MAST4: variants seen among roughly 807,000 people sequenced by gnomAD.
MAST4 encodes microtubule-associated serine/threonine-protein kinase 4.
Under a neutral mutation model 162.7 loss-of-function variants are expected in MAST4, and 89 were observed. The observed-to-expected ratio is 0.55, with a 90% CI of 0.46 to 0.65. MAST4 has a LOEUF of 0.65. MAST4 is among the 30% of genes least tolerant of loss of function. The probability of loss-of-function intolerance (pLI) is 0.00; values close to 1 mark genes in which losing one functional copy is unlikely to be tolerated. For synonymous variants in MAST4, 1,479 were observed against 1,361.1 expected (o/e 1.09, Z -1.91); for missense variants, 3,153 against 3,374.0 (o/e 0.93, Z 1.62).
chr5:66,722,814 G>A (rs1457162985), intron 1 of MAST4, among the ~76,000 whole-genome samples: 3 of 152,172 alleles, frequency 2.0e-5, no homozygotes, highest in African/African-American at 4.8e-5. Context: ...AATCATAGCT[G>A]CATAGCGAGG....
chr5:67,049,211 C>A (rs967810902), intron 4 of MAST4, among the ~76,000 whole-genome samples: 6 of 151,026 alleles, frequency 4.0e-5, no homozygotes, highest in Non-Finnish European at 8.8e-5. Flanking sequence ...GTTTCTATAT[C>A]TTTTTTAAAG....
At chr5:66,905,351 C>T (rs929983858) in intron 4 of MAST4, among the ~76,000 whole-genome samples, 3 of 150,712 alleles carry the variant, frequency 2.0e-5, no homozygotes, top group Admixed American at 2.0e-4. Context: ...CAGCAGGAAC[C>T]CAAGGCAGAA....
chr5:66,899,935 T>C lies in MAST4; in HGVS notation c.643-16T>C. The C allele has an allele frequency of 1.3e-6, 2 of 1,510,944 alleles. No homozygotes were observed. Among genetic ancestry groups the C allele is most frequent in the Non-Finnish European group, 1.8e-6 (2 of 1,131,902 alleles). The allele number at this position is 1,510,944 out of a possible 1,614,324, so 93.6% of individuals were successfully genotyped here. A position where few individuals can be genotyped will look rare whatever the true frequency, so the allele number is the denominator to read the frequency against. On this transcript the variant is annotated splice_polypyrimidine_tract_variant and intron_variant, in intron 3 of 28. Transcript: ENST00000403625. The stretch of plus-strand genomic sequence containing the variant: ...AATGCAGCATTGCTTATATATGGTT[T>C]TTTTTTCTTTTGCAGAAGGAGCTGA...
At chr5:66,647,843 A>G (rs1745943437) in intron 1 of MAST4, among the ~76,000 whole-genome samples, 1 of 152,164 alleles carries the variant, frequency 6.6e-6, no homozygotes. Flanking sequence ...TGCCTTAAAC[A>G]TAGAGGAAAA....
intron 4 of MAST4, among the ~76,000 whole-genome samples, chr5:67,005,251 C>T (rs968677804): frequency 1.3e-5 from 2 of 152,184 alleles, no homozygotes; most frequent in African/African-American, 2.4e-5. Context: ...GGTATTTCTT[C>T]GTCCTTGTGG....
chr5:66,765,756 G>A (rs931011097), intron 2 of MAST4, among the ~76,000 whole-genome samples: 3 of 152,020 alleles, frequency 2.0e-5, no homozygotes, highest in African/African-American at 7.2e-5. Flanking sequence ...ATTTCACTAT[G>A]CATAGACACT....
intron 1 of MAST4, among the ~76,000 whole-genome samples, chr5:66,632,359 C>T (rs1292833751): frequency 2.6e-5 from 4 of 151,568 alleles, no homozygotes; most frequent in Non-Finnish European, 5.9e-5. Context: ...TGATGGGATT[C>T]ATGTTATTAA....
At position 67,166,292 on chromosome 5, in the gene MAST4, G is replaced by C; in HGVS notation, c.7113G>C (p.Gly2371=). 4 of 1,564,360 alleles carry C rather than the reference G, an allele frequency of 2.6e-6. No homozygotes were observed. Among genetic ancestry groups the C allele is most frequent in the Non-Finnish European group, 3.5e-6 (4 of 1,154,120 alleles). ...PAANTDRRAE[G]KKCTEALYAP... ...CCAACACCGACAGAAGGGCGGAAGG[G>C]AAGAAATGCACTGAAGCACTTTATG... The change falls in exon 29 of 29, where the codon GGG becomes GGC. Residue 2371 remains glycine (G), a synonymous_variant. Coordinates refer to ENST00000403625, the MANE Select transcript of MAST4 (RefSeq NM_001164664.2).
chr5:66,651,195 A>G (rs1404861371), intron 1 of MAST4, among the ~76,000 whole-genome samples: 1 of 152,004 alleles, frequency 6.6e-6, no homozygotes, highest in Non-Finnish European at 1.5e-5. Context: ...TTTTTTTGAA[A>G]AAAGTACGTC....
chr5:66,925,667 A>C (rs1764841202), intron 4 of MAST4, among the ~76,000 whole-genome samples: 2 of 152,102 alleles, frequency 1.3e-5, no homozygotes, highest in African/African-American at 2.4e-5. Flanking sequence ...GTCCTGCTGG[A>C]GTGGAGGCTC....
intron 3 of MAST4, among the ~76,000 whole-genome samples, chr5:66,808,434 T>G (rs911196902): frequency 2.0e-5 from 3 of 152,228 alleles, no homozygotes; most frequent in African/African-American, 7.2e-5. Context: ...ATTAGGTTTT[T>G]TTTTGGTTCA....
chr5:67,161,871 T>C (rs1164232815), intron 27 of MAST4, among the ~76,000 whole-genome samples: 3 of 152,228 alleles, frequency 2.0e-5, no homozygotes, highest in African/African-American at 7.2e-5. Context: ...TTTAAGCTTA[T>C]GTGGAGTGGG....
At chr5:66,792,816 C>G (rs1755476642) in intron 3 of MAST4, among the ~76,000 whole-genome samples, 1 of 152,158 alleles carries the variant, frequency 6.6e-6, no homozygotes, top group Non-Finnish European at 1.5e-5. Flanking sequence ...ATCATATAGT[C>G]ACATTTGTTT....
intron 4 of MAST4, among the ~76,000 whole-genome samples, chr5:66,936,820 T>C (rs1742800243): frequency 6.6e-6 from 1 of 152,216 alleles, no homozygotes; most frequent in Non-Finnish European, 1.5e-5. Context: ...TAAATAACAA[T>C]ACAAATGACT....
intron 3 of MAST4, among the ~76,000 whole-genome samples, chr5:66,864,644 T>TC (rs11448059): frequency 0.42 from 62,147 of 148,698 alleles, 14,340 homozygotes; most frequent in Non-Finnish European, 0.52. Flanking sequence ...TTGAATTATG[T>TC]CCCCCCCCGA....
chr5:67,161,644 G>T (rs1048730395), intron 27 of MAST4, among the ~76,000 whole-genome samples: 7 of 152,182 alleles, frequency 4.6e-5, no homozygotes, highest in Admixed American at 3.3e-4. Flanking sequence ...AATACAAAGC[G>T]ACTTCTTTGG....
At chr5:67,132,494 T>C (rs1314333421) in intron 16 of MAST4, among the ~76,000 whole-genome samples, 1 of 152,156 alleles carries the variant, frequency 6.6e-6, no homozygotes, top group Non-Finnish European at 1.5e-5. Flanking sequence ...CTTTATTTGG[T>C]GTCATACTTA....
intron 4 of MAST4, among the ~76,000 whole-genome samples, chr5:67,016,590 A>G (rs1449110213): frequency 6.6e-6 from 1 of 152,194 alleles, no homozygotes; most frequent in African/African-American, 2.4e-5. Flanking sequence ...TCTCTTTCCT[A>G]TTAATGGAAA....
chr5:66,883,538 C>T (rs912231160), intron 3 of MAST4, among the ~76,000 whole-genome samples: 2 of 150,992 alleles, frequency 1.3e-5, no homozygotes, highest in Admixed American at 6.6e-5. Flanking sequence ...AAGTGATTCT[C>T]CTGCCTCAGC....
Sources: allele counts gnomAD v4.1 joint callset (sites outside exome capture counted in the v4.1 genomes callset), GRCh38; gene constraint gnomAD v4.1.1; transcripts MANE v1.5; gene names NCBI Gene and HGNC (gene_info 2026-07-23, HGNC 2026-07-21).